FLNB: variants seen among roughly 807,000 people sequenced by gnomAD.
FLNB encodes the protein filamin B.
FLNB carries 111 observed loss-of-function variants against 250.6 expected under a neutral mutation model. The ratio of observed to expected loss-of-function variants is 0.44; its 90% CI spans 0.38 to 0.52. The LOEUF is 0.52. Ranked by LOEUF, FLNB falls within the 20% of genes least tolerant of loss-of-function variation. FLNB has a pLI of 0.00. For missense variants in FLNB, 2,869 were observed against 3,447.8 expected (o/e 0.83, Z 4.20); for synonymous variants, 1,302 against 1,372.1 (o/e 0.95, Z 1.13).
chr3:58,088,228 A>C (rs1193398827), intron 4 of FLNB, among the ~76,000 whole-genome samples: 1 of 151,668 alleles, frequency 6.6e-6, no homozygotes, highest in Non-Finnish European at 1.5e-5. Context: ...TTGTATTTTT[A>C]GTAGAGACGG....
chr3:58,105,018 A>G (rs983448555), intron 10 of FLNB, 62 bp from the exon 11 acceptor site: 6 of 1,604,856 alleles, frequency 3.7e-6, no homozygotes, highest in African/African-American at 2.7e-5. Flanking sequence ...ACTGCAGCTT[A>G]TGGCTATAGT....
Position 58,109,195 on chromosome 3 carries a change from G to A in FLNB, c.2072G>A (p.Arg691His), listed in dbSNP as rs1470246106. 9.3e-6 allele frequency: 15 copies of A among 1,614,032 alleles called. No individual in the cohort carries two copies. Among genetic ancestry groups the A allele is most frequent in the African/African-American group, 2.7e-5 (2 of 74,932 alleles). ...KIFAQDGEGQRIDIQMKNRMD... is the reference protein window; with the variant it reads ...KIFAQDGEGQHIDIQMKNRMD... ...TTTTTGCAGGATGGGGAAGGCCAAC[G>A]CATTGACATCCAGATGAAGAACCGG... The change falls in exon 14 of 46, where the codon CGC becomes CAC. Residue 691 changes from arginine (R) to histidine (H), a missense_variant. Coordinates refer to ENST00000295956, the MANE Select transcript of FLNB (RefSeq NM_001457.4).
Position 58,071,255 on chromosome 3 carries a change from C to T in FLNB, c.293-5791C>T, listed in dbSNP as rs571372324. On this transcript the variant is annotated intron_variant, in intron 1 of 45. Transcript: ENST00000295956. ...AGAGATGAACCGCCTGGCCTACACA[C>T]CCCTATCTCTCCTCGATTCTTTTTT... Among the ~76,000 whole-genome samples, 460 of 144,834 alleles carry T rather than the reference C, an allele frequency of 3.2e-3. 5 individuals are homozygous for T. The highest frequency in any genetic ancestry group is 0.017 in the Middle Eastern group (5 of 288).
chr3:58,039,608 A>G (rs2097143204), intron 1 of FLNB, among the ~76,000 whole-genome samples: 1 of 152,212 alleles, frequency 6.6e-6, no homozygotes, highest in Admixed American at 6.5e-5. Flanking sequence ...AAGAACTACA[A>G]TGACTAGAAG....
rs201215610 is a variant in FLNB at position 58,163,254 on chromosome 3, C to T, written c.7122C>T (p.Arg2374=). 1.6e-5 allele frequency: 26 copies of T among 1,614,220 alleles called. No individual in the cohort carries two copies. The highest frequency in any genetic ancestry group is 5.3e-5 in the African/African-American group (4 of 75,058). ...TGGTTGGAAGCCCCTTCAAAGTGCG[C>T]GTTGGGGAGCCTGGACAAGCGGGGA... is the stretch of plus-strand genomic sequence containing the variant. The part of the protein sequence containing the change: ...SHVVGSPFKV[R]VGEPGQAGNP... The change falls in exon 43 of 46, where the codon CGC becomes CGT. Residue 2374 remains arginine, a synonymous_variant. Coordinates refer to ENST00000295956, the MANE Select transcript of FLNB (RefSeq NM_001457.4).
chr3:58,040,403 A>C (rs2097144422), intron 1 of FLNB, among the ~76,000 whole-genome samples: 1 of 152,072 alleles, frequency 6.6e-6, no homozygotes, highest in Non-Finnish European at 1.5e-5. Flanking sequence ...CCCTCTCATT[A>C]AGGTGGGGGC....
intron 1 of FLNB, among the ~76,000 whole-genome samples, chr3:58,030,067 C>T (rs2097128797): frequency 6.6e-6 from 1 of 152,140 alleles, no homozygotes; most frequent in African/African-American, 2.4e-5. Flanking sequence ...TTATATTACT[C>T]TAGGCTGGTA....
At chr3:58,092,427 T>C (rs2097229535) in intron 4 of FLNB, among the ~76,000 whole-genome samples, 1 of 152,152 alleles carries the variant, frequency 6.6e-6, no homozygotes, top group African/African-American at 2.4e-5. Flanking sequence ...GAGGATCACT[T>C]GAGCCCAGGA....
chr3:58,065,340 C>T (rs1456826859), intron 1 of FLNB, among the ~76,000 whole-genome samples: 3 of 152,220 alleles, frequency 2.0e-5, no homozygotes, highest in African/African-American at 7.2e-5. Context: ...AAATGGGAGT[C>T]ATAACTGAAC....
At chr3:58,078,181 TA>T in intron 2 of FLNB, 1 of 984,046 alleles carries the variant, frequency 1.0e-6, no homozygotes, top group Admixed American at 4.1e-5. Context: ...ATTGATTTCC[TA>T]ATATCCTCTT....
At chr3:58,126,539 G>C (rs2097298222) in intron 23 of FLNB, 63 bp from the exon 24 acceptor site, 1 of 1,521,032 alleles carries the variant, frequency 6.6e-7, no homozygotes, top group East Asian at 2.3e-5. Context: ...CATGAATTTT[G>C]GCAATAAGCA....
chr3:58,155,045 A>G (rs748414185), intron 40 of FLNB, 117 bp downstream of exon 40: 4 of 987,058 alleles, frequency 4.1e-6, no homozygotes, highest in Non-Finnish European at 3.2e-6. Flanking sequence ...GTATGGGCAC[A>G]TGGGACAGCC....
Position 58,125,732 on chromosome 3 carries a change from C to A in FLNB, c.4050C>A (p.Thr1350=), listed in dbSNP as rs145585541. 198 of 1,614,126 alleles carry A rather than the reference C, an allele frequency of 1.2e-4. 3 individuals carry two copies. The South Asian group carries it at 2.0e-3, about 16-fold the overall frequency. Residue 1350 remains threonine (T), a synonymous_variant, in exon 23 of 46, where the codon ACC becomes ACA. Coordinates refer to ENST00000295956, the MANE Select transcript of FLNB (RefSeq NM_001457.4). ...TTACCAACAAGCCCAATGTCTTCACCGTGGTTACCAGGTAGGCAAGGCCCT... is the reference window on the plus strand; with the variant it reads ...TTACCAACAAGCCCAATGTCTTCACAGTGGTTACCAGGTAGGCAAGGCCCT... ...EAFTNKPNVF[T]VVTRGAGIGG... is the part of the protein sequence containing the mutation.
chr3:58,048,318 G>T (rs1272382481), intron 1 of FLNB, among the ~76,000 whole-genome samples: 1 of 152,134 alleles, frequency 6.6e-6, no homozygotes, highest in Non-Finnish European at 1.5e-5. Context: ...GCTTGGGAGG[G>T]TCTTGGTAAA....
At chr3:58,136,821 A>G (rs1218188982) in intron 28 of FLNB, among the ~76,000 whole-genome samples, 1 of 137,724 alleles carries the variant, frequency 7.3e-6, no homozygotes, top group African/African-American at 2.8e-5. Context: ...ACGCAATCTC[A>G]GCTCACTGCA....
At chr3:58,069,234 T>C (rs2097190604) in intron 1 of FLNB, among the ~76,000 whole-genome samples, 1 of 67,904 alleles carries the variant, frequency 1.5e-5, no homozygotes, top group Non-Finnish European at 3.3e-5. Context: ...GTTCAATTCT[T>C]TTTTTTTTTT....
At chr3:58,026,972 G>C (rs1559643689) in intron 1 of FLNB, among the ~76,000 whole-genome samples, 1 of 152,138 alleles carries the variant, frequency 6.6e-6, no homozygotes, top group Non-Finnish European at 1.5e-5. Flanking sequence ...TAAAACACTT[G>C]CACAACGGCT....
At chr3:58,056,413 G>A (rs2097170735) in intron 1 of FLNB, among the ~76,000 whole-genome samples, 1 of 151,714 alleles carries the variant, frequency 6.6e-6, no homozygotes, top group Non-Finnish European at 1.5e-5. Flanking sequence ...ATGCTGGGAT[G>A]TTTTTTAAGA....
At chr3:58,042,913 G>C (rs1487645081) in intron 1 of FLNB, among the ~76,000 whole-genome samples, 3 of 152,122 alleles carry the variant, frequency 2.0e-5, no homozygotes, top group Non-Finnish European at 4.4e-5. Flanking sequence ...GTGATGGTTA[G>C]CAGGGTGCTG....
Sources: gnomAD v4.1 joint callset for allele counts (sites outside exome capture counted in the v4.1 genomes callset) on GRCh38, gnomAD v4.1.1 for gene constraint, MANE v1.5 for transcripts, NCBI Gene and HGNC (gene_info 2026-07-23, HGNC 2026-07-21) for gene names.